Variants in RASAL2 observed in about 807,000 individuals in gnomAD.
RASAL2 encodes the protein RAS protein activator like 2.
RASAL2 carries 58 observed loss-of-function variants against 128.9 expected under a neutral mutation model. That is an observed-to-expected ratio of 0.45 (90% CI 0.36 to 0.56). The LOEUF is 0.56. Among genes scored for constraint, RASAL2 ranks in the 20% least tolerant of loss-of-function variants. The pLI, the probability that RASAL2 is intolerant of heterozygous loss-of-function variation, is 0.00. For missense variants in RASAL2, 1,360 were observed against 1,601.6 expected (o/e 0.85, Z 2.57); for synonymous variants, 561 against 580.8 (o/e 0.97, Z 0.49).
rs1658566017 is a variant in RASAL2, at chr1:178,094,105, G to A, written c.-388G>A. On this transcript the variant is annotated 5_prime_UTR_variant, in exon 1 of 18. Coordinates refer to ENST00000367649, the MANE Select transcript of RASAL2 (RefSeq NM_170692.4). ...CCCGGCCCCGCTCCATCCCCAGCCA[G>A]AGCCTGGTCTGACCGCGAGAGACGC... The A allele has an allele frequency of 4.2e-6, 1 of 236,330 alleles. No homozygotes were observed. The highest frequency in any genetic ancestry group is 8.1e-6 in the Non-Finnish European group (1 of 123,206). 14.6% of individuals were successfully genotyped at this position (236,330 alleles called of 1,614,324 possible).
chr1:178,341,607 A>G lies in RASAL2; in HGVS notation c.457+41489A>G, dbSNP rs976931587. 6 of 1,613,884 alleles carry G rather than the reference A, an allele frequency of 3.7e-6. No individual in the cohort carries two copies. The African/African-American group carries it at 6.7e-5, about 18-fold the overall frequency. Reference sequence around the variant, plus strand: ...AGAAACTTCACACGATGCAGACCCCAGGTAAGAGTTTGTAGAGTCTGAGAC... The same window carrying G: ...AGAAACTTCACACGATGCAGACCCCGGGTAAGAGTTTGTAGAGTCTGAGAC... On this transcript the variant is annotated intron_variant, in intron 3 of 17. Transcript: ENST00000367649.
At chr1:178,467,140 A>T (rs1017218238) in intron 16 of RASAL2, among the ~76,000 whole-genome samples, 194 bp from the exon 17 acceptor site, 1 of 152,202 alleles carries the variant, frequency 6.6e-6, no homozygotes, top group Non-Finnish European at 1.5e-5. Context: ...TCCAAGGGAG[A>T]TGAAAATGTG....
intron 1 of RASAL2, among the ~76,000 whole-genome samples, chr1:178,246,700 G>T (rs572772880): frequency 1.3e-4 from 19 of 151,930 alleles, no homozygotes; most frequent in African/African-American, 4.6e-4. Flanking sequence ...ATTGGCTGTG[G>T]GTTTGTCATA....
intron 1 of RASAL2, among the ~76,000 whole-genome samples, chr1:178,243,495 A>G (rs1174528436): frequency 6.6e-6 from 1 of 151,628 alleles, no homozygotes; most frequent in African/African-American, 2.4e-5. Context: ...GGGGAAGGGG[A>G]GTCCCAGATC....
intron 4 of RASAL2, among the ~76,000 whole-genome samples, chr1:178,405,579 T>A (rs1477376661): frequency 6.6e-6 from 1 of 152,186 alleles, no homozygotes. Context: ...GGAAAGGCCA[T>A]GAGCCAAGGA....
intron 12 of RASAL2, 83 bp from the exon 13 acceptor site, chr1:178,456,638 A>G (rs1212303693): frequency 9.0e-6 from 13 of 1,446,196 alleles, no homozygotes; most frequent in Admixed American, 1.7e-5. Context: ...CCCTCCATCA[A>G]TGGCCATCGT....
chr1:178,341,411 G>C, intron 3 of RASAL2: 1 of 1,411,672 alleles, frequency 7.1e-7, no homozygotes, highest in South Asian at 1.6e-5. Context: ...GGGTTGGGGC[G>C]AGGATTGAGT....
intron 3 of RASAL2, among the ~76,000 whole-genome samples, chr1:178,304,349 C>A (rs1025591638): frequency 6.6e-6 from 1 of 151,972 alleles, no homozygotes; most frequent in Non-Finnish European, 1.5e-5. Context: ...CATAGTGAGA[C>A]CCTTATCTCT....
chr1:178,466,169 G>A (rs1303542965), intron 16 of RASAL2, 47 bp downstream of exon 16: 1 of 1,486,966 alleles, frequency 6.7e-7, no homozygotes, highest in Admixed American at 2.5e-5. Flanking sequence ...GCAAGACAAA[G>A]AATTGAGATG....
intron 1 of RASAL2, among the ~76,000 whole-genome samples, chr1:178,232,679 C>T (rs1460456651): frequency 1.3e-5 from 2 of 152,080 alleles, no homozygotes; most frequent in East Asian, 3.8e-4. Flanking sequence ...GGTTGAAAAA[C>T]AATATTAACT....
intron 4 of RASAL2, among the ~76,000 whole-genome samples, chr1:178,408,612 G>GTTTTTT (rs756656921): frequency 7.0e-6 from 1 of 142,472 alleles, no homozygotes; most frequent in African/African-American, 2.9e-5. Flanking sequence ...GTTTTTTTTT[G>GTTTTTT]TTTTTTGTTT....
At chr1:178,149,217 A>T (rs1233135961) in intron 1 of RASAL2, among the ~76,000 whole-genome samples, 1 of 152,160 alleles carries the variant, frequency 6.6e-6, no homozygotes, top group Non-Finnish European at 1.5e-5. Context: ...CAGATAATAT[A>T]AGAAGAGTTT....
At chr1:178,452,892 C>T (rs1437114403) in intron 11 of RASAL2, among the ~76,000 whole-genome samples, 1 of 151,794 alleles carries the variant, frequency 6.6e-6, no homozygotes, top group Admixed American at 6.6e-5. Context: ...CAAAAACTAT[C>T]TAATAATATA....
intron 1 of RASAL2, among the ~76,000 whole-genome samples, chr1:178,112,327 G>A (rs1484420170): frequency 2.0e-5 from 3 of 152,030 alleles, no homozygotes; most frequent in Non-Finnish European, 2.9e-5. Flanking sequence ...CAAGGCGGGT[G>A]GATCACGAGG....
chr1:178,333,252 C>T (rs570276842), intron 3 of RASAL2, among the ~76,000 whole-genome samples: 7 of 152,176 alleles, frequency 4.6e-5, no homozygotes, highest in African/African-American at 1.2e-4. Flanking sequence ...TGGTCTCGAT[C>T]TCCTGACCTT....
At chr1:178,282,034 G>T (rs1334915237) in intron 1 of RASAL2, among the ~76,000 whole-genome samples, 1 of 152,140 alleles carries the variant, frequency 6.6e-6, no homozygotes, top group Non-Finnish European at 1.5e-5. Flanking sequence ...GACTACAAGG[G>T]GAGGGTTGAG....
chr1:178,376,793 T>C (rs983792863), intron 3 of RASAL2, among the ~76,000 whole-genome samples: 4 of 152,140 alleles, frequency 2.6e-5, no homozygotes, highest in African/African-American at 9.6e-5. Flanking sequence ...AATAGGTACT[T>C]AGTAGATACT....
intron 3 of RASAL2, among the ~76,000 whole-genome samples, chr1:178,304,394 A>G (rs140660289): frequency 1.3e-3 from 204 of 152,246 alleles, no homozygotes; most frequent in African/African-American, 4.7e-3. Flanking sequence ...ATGGTGGCAC[A>G]CATCTGTAGT....
At chr1:178,153,213 T>C (rs1180795769) in intron 1 of RASAL2, among the ~76,000 whole-genome samples, 2 of 152,190 alleles carry the variant, frequency 1.3e-5, no homozygotes, top group Admixed American at 1.3e-4. Flanking sequence ...ATTAATATGT[T>C]CCTCTTGCTC....
Sources: gnomAD v4.1 joint callset for allele counts (sites outside exome capture counted in the v4.1 genomes callset) on GRCh38, gnomAD v4.1.1 for gene constraint, MANE v1.5 for transcripts, NCBI Gene and HGNC (gene_info 2026-07-23, HGNC 2026-07-21) for gene names.